FAM149A: variants seen among roughly 807,000 people sequenced by gnomAD.
FAM149A encodes the protein family with sequence similarity 149 member A.
Under a neutral mutation model 78.2 loss-of-function variants are expected in FAM149A, and 71 were observed. The ratio of observed to expected loss-of-function variants is 0.91; its 90% confidence interval spans 0.75 to 1.11. FAM149A has a LOEUF of 1.11. Among genes scored for constraint, FAM149A ranks in the 50% least tolerant of loss-of-function variants. The pLI is 0.00. For synonymous variants in FAM149A, 446 were observed against 410.5 expected, an observed-to-expected ratio of 1.09 and a Z score of -1.04; for missense variants, 1,036 against 971.0, an observed-to-expected ratio of 1.07 and a Z score of -0.89.
intron 8 of FAM149A, chr4:186,158,383 C>A: frequency 8.3e-7 from 1 of 1,203,796 alleles, no homozygotes; most frequent in Admixed American, 3.3e-5. Context: ...CAAGGGAGCT[C>A]ACTCAGTGGG....
intron 1 of FAM149A, among the ~76,000 whole-genome samples, chr4:186,132,680 G>A (rs998973027): frequency 2.6e-5 from 4 of 152,168 alleles, no homozygotes; most frequent in African/African-American, 9.7e-5. Flanking sequence ...GAGGGGAATG[G>A]CCAATTCGGT....
At chr4:186,156,730 C>A (rs1443719895) in intron 7 of FAM149A, among the ~76,000 whole-genome samples, 1 of 151,950 alleles carries the variant, frequency 6.6e-6, no homozygotes, top group East Asian at 1.9e-4. Context: ...TTTGGGAGAC[C>A]AAGGCAGGAG....
chr4:186,109,752 G>A, intron 1 of FAM149A: 2 of 980,662 alleles, frequency 2.0e-6, no homozygotes, highest in East Asian at 1.1e-4. Flanking sequence ...CATTCTAGGT[G>A]AAGAAAAAAC....
intron 8 of FAM149A, chr4:186,158,148 A>C: frequency 7.8e-7 from 1 of 1,286,496 alleles, no homozygotes. Context: ...ACTGGCCGGC[A>C]GGCTGTGCTG....
At chr4:186,131,816 A>T in intron 1 of FAM149A, 1 of 859,632 alleles carries the variant, frequency 1.2e-6, no homozygotes. Context: ...CAGACAAAAT[A>T]ATTGCTAACC....
At chr4:186,150,997 G>A (rs1408378223) in intron 3 of FAM149A, 23 of 984,448 alleles carry the variant, frequency 2.3e-5, no homozygotes, top group Non-Finnish European at 2.7e-5. Flanking sequence ...GAGCCACTGC[G>A]CCCAGCCTCT....
intron 1 of FAM149A, chr4:186,125,864 T>A (rs1002887890): frequency 1.0e-6 from 1 of 985,242 alleles, no homozygotes; most frequent in Non-Finnish European, 1.2e-6. Flanking sequence ...AGAAGCAACG[T>A]AGAGGAGTGG....
At chr4:186,123,881 T>TAAAA (rs71593674) in intron 1 of FAM149A, 1 of 949,852 alleles carries the variant, frequency 1.1e-6, no homozygotes, top group Non-Finnish European at 1.2e-6. Flanking sequence ...ATCACTTTCT[T>TAAAA]AAAAAAAATA....
chr4:186,118,271 C>G, intron 1 of FAM149A: 1 of 976,352 alleles, frequency 1.0e-6, no homozygotes, highest in Non-Finnish European at 1.2e-6. Flanking sequence ...GGAGCGTCTC[C>G]TTTCTCTGCT....
chr4:186,159,530 A>G (rs1465531992), intron 8 of FAM149A, among the ~76,000 whole-genome samples: 1 of 152,122 alleles, frequency 6.6e-6, no homozygotes, highest in Non-Finnish European at 1.5e-5. Context: ...AGGAATCGAG[A>G]GGCCTGAGAG....
intron 1 of FAM149A, chr4:186,133,289 C>T (rs1373238789): frequency 4.2e-6 from 3 of 722,814 alleles, no homozygotes; most frequent in Non-Finnish European, 5.1e-6. Context: ...CAGTCACCAC[C>T]GCCATCCATC....
rs1734643136 is a variant in FAM149A at position 186,161,975 on chromosome 4, T to A, written c.1576-870T>A. Among the ~76,000 whole-genome samples the A allele has an allele frequency of 2.0e-5, 3 of 152,272 alleles. No individual in the cohort carries two copies. The South Asian group carries it at 6.2e-4, about 32-fold the overall frequency. On this transcript the variant is annotated intron_variant, in intron 8 of 13. Coordinates refer to ENST00000389354, the MANE Select transcript of FAM149A (RefSeq NM_001367768.3). ...TGCAGGTTTGTTACACAGGTATACA[T>A]GTGCCATGGTGGTTTGCTGCACCTG...
chr4:186,139,650 C>T (rs780130331), intron 1 of FAM149A, among the ~76,000 whole-genome samples: 20 of 152,146 alleles, frequency 1.3e-4, no homozygotes, highest in Non-Finnish European at 2.5e-4. Flanking sequence ...CCACCTAATA[C>T]GTTTCTGTTG....
At chr4:186,118,408 G>T (rs2099314624) in intron 1 of FAM149A, 1 of 168,432 alleles carries the variant, frequency 5.9e-6, no homozygotes, top group Non-Finnish European at 1.2e-5. Flanking sequence ...TTTTATAGCA[G>T]TTGGCAGAGG....
chr4:186,127,336 C>G (rs1002884830), intron 1 of FAM149A: 1 of 985,104 alleles, frequency 1.0e-6, no homozygotes. Flanking sequence ...GTTTACTTCA[C>G]AGTAAACATC....
intron 13 of FAM149A, among the ~76,000 whole-genome samples, chr4:186,170,116 C>G (rs1431838739): frequency 6.6e-6 from 1 of 152,222 alleles, no homozygotes; most frequent in African/African-American, 2.4e-5. Flanking sequence ...AGGGGACTCC[C>G]TGGAGCTCCA....
chr4:186,156,510 C>A (rs534119909), intron 7 of FAM149A, among the ~76,000 whole-genome samples: 19 of 152,106 alleles, frequency 1.2e-4, no homozygotes, highest in African/African-American at 4.6e-4. Flanking sequence ...CCTACCTCTA[C>A]TAAAAATACA....
chr4:186,149,119 A>G (rs934966027), intron 1 of FAM149A, 54 bp from the exon 2 acceptor site: 11 of 1,230,222 alleles, frequency 8.9e-6, no homozygotes, highest in East Asian at 5.7e-5. Flanking sequence ...GTCTTAATGA[A>G]TAAAACTATA....
chr4:186,161,018 A>G (rs922227444), intron 8 of FAM149A: 8 of 225,638 alleles, frequency 3.5e-5, no homozygotes, highest in Non-Finnish European at 4.4e-5. Flanking sequence ...TGGACGTTCA[A>G]TAAGTGTTAC....
Sources: allele counts gnomAD v4.1 joint callset (sites outside exome capture counted in the v4.1 genomes callset), GRCh38; gene constraint gnomAD v4.1.1; transcripts MANE v1.5; gene names NCBI Gene and HGNC (gene_info 2026-07-23, HGNC 2026-07-21).